PAPPA2: variants seen among roughly 807,000 people sequenced by gnomAD.
PAPPA2 encodes pappalysin 2, also known as pappalysin-2.
PAPPA2 carries 86 observed loss-of-function variants against 176.4 expected under a neutral mutation model. The observed-to-expected ratio is 0.49, with a 90% CI of 0.41 to 0.58. PAPPA2 has a LOEUF of 0.58. Among genes scored for constraint, PAPPA2 ranks in the 20% least tolerant of loss-of-function variants. The pLI is 0.00. For missense variants in PAPPA2, 2,073 were observed against 2,256.9 expected, an observed-to-expected ratio of 0.92 and a Z score of 1.65; for synonymous variants, 809 against 852.2, an observed-to-expected ratio of 0.95 and a Z score of 0.88.
chr1:176,811,997 A>C (rs1666170600), intron 21 of PAPPA2, among the ~76,000 whole-genome samples: 1 of 152,158 alleles, frequency 6.6e-6, no homozygotes, highest in Non-Finnish European at 1.5e-5. Flanking sequence ...CTAGATTAAC[A>C]ACATTCGTGA....
intron 1 of PAPPA2, among the ~76,000 whole-genome samples, chr1:176,484,245 T>G (rs1652545270): frequency 6.6e-6 from 1 of 152,220 alleles, no homozygotes; most frequent in Non-Finnish European, 1.5e-5. Flanking sequence ...TAACATGTTT[T>G]TCCCCCTCTG....
At chr1:176,657,731 A>G (rs966982929) in intron 3 of PAPPA2, among the ~76,000 whole-genome samples, 10 of 152,008 alleles carry the variant, frequency 6.6e-5, no homozygotes, top group Admixed American at 5.3e-4. Flanking sequence ...GTGATAATCA[A>G]ATTAGAGATA....
chr1:176,466,976 AAC>A (rs1651654666), intron 1 of PAPPA2, among the ~76,000 whole-genome samples: 1 of 152,176 alleles, frequency 6.6e-6, no homozygotes, highest in Non-Finnish European at 1.5e-5. Flanking sequence ...CCTTCTGCGA[AAC>A]AGTCATGTAT....
Position 176,791,603 on chromosome 1 carries a change from G to T in PAPPA2, c.5020+121G>T, listed in dbSNP as rs2102939027. On this transcript the variant is annotated intron_variant, in intron 19 of 22. Coordinates refer to ENST00000367662, the MANE Select transcript of PAPPA2 (RefSeq NM_020318.3). ...GAGTCTTGCTCTGTCGCCCAGGCTGGGGTGCAGTGGCACAGTCTCAGCTCA... is the reference window on the plus strand; with the variant it reads ...GAGTCTTGCTCTGTCGCCCAGGCTGTGGTGCAGTGGCACAGTCTCAGCTCA... The T allele has an allele frequency of 1.9e-5, 22 of 1,173,752 alleles. No homozygotes were observed. In the South Asian group the frequency reaches 3.6e-4, roughly 19 times the overall value. 72.7% of individuals were successfully genotyped at this position (1,173,752 alleles called of 1,614,324 possible).
intron 1 of PAPPA2, among the ~76,000 whole-genome samples, chr1:176,477,522 A>C (rs1478229671): frequency 6.6e-6 from 1 of 152,140 alleles, no homozygotes; most frequent in Non-Finnish European, 1.5e-5. Flanking sequence ...CGAGGTGGGC[A>C]GATCATGAGG....
At chr1:176,776,727 T>C (rs1436062340) in intron 17 of PAPPA2, among the ~76,000 whole-genome samples, 1 of 152,060 alleles carries the variant, frequency 6.6e-6, no homozygotes, top group African/African-American at 2.4e-5. Flanking sequence ...ACTGTGGTGA[T>C]GATGATTTGT....
chr1:176,639,260 G>A (rs1656921209), intron 3 of PAPPA2, among the ~76,000 whole-genome samples: 1 of 151,858 alleles, frequency 6.6e-6, no homozygotes, highest in Admixed American at 6.6e-5. Flanking sequence ...AGGATAAATG[G>A]AGACAAAGTA....
intron 12 of PAPPA2, among the ~76,000 whole-genome samples, chr1:176,720,629 A>C (rs1475293039): frequency 6.6e-6 from 1 of 152,120 alleles, no homozygotes; most frequent in Non-Finnish European, 1.5e-5. Flanking sequence ...AAACAATAGG[A>C]TGTATCTACA....
intron 21 of PAPPA2, among the ~76,000 whole-genome samples, chr1:176,811,023 T>C (rs1032919510): frequency 4.4e-4 from 67 of 152,186 alleles, no homozygotes; most frequent in African/African-American, 1.4e-3. Flanking sequence ...ATTATTACAC[T>C]TTAGTAATAT....
intron 21 of PAPPA2, among the ~76,000 whole-genome samples, chr1:176,830,714 A>G (rs1438890888): frequency 6.6e-6 from 1 of 152,224 alleles, no homozygotes; most frequent in Non-Finnish European, 1.5e-5. Context: ...AAAGGAAATT[A>G]CAAGAACTCA....
intron 12 of PAPPA2, among the ~76,000 whole-genome samples, chr1:176,715,743 G>T (rs1217811978): frequency 6.6e-6 from 1 of 152,118 alleles, no homozygotes; most frequent in Admixed American, 6.5e-5. Context: ...AATTGGGGCA[G>T]TAATAAGACT....
At chr1:176,702,763 G>GTT in intron 9 of PAPPA2, 28 bp downstream of exon 9, 1 of 1,573,688 alleles carries the variant, frequency 6.4e-7, no homozygotes, top group Non-Finnish European at 8.6e-7. Flanking sequence ...GTGTGTGTGT[G>GTT]TGTGTGTGTG....
At position 176,692,317 on chromosome 1, in the gene PAPPA2, A is replaced by C. The variant is rs1012905140; in HGVS notation, c.2623A>C (p.Arg875=). 7 of 1,601,356 alleles carry C rather than the reference A, an allele frequency of 4.4e-6. No individual in the cohort carries two copies. The highest frequency in any genetic ancestry group is 1.7e-6 in the Non-Finnish European group (2 of 1,170,290). The change falls in exon 6 of 23, where the codon AGG becomes CGG. Residue 875 remains arginine, a splice_region_variant and synonymous_variant. Transcript: ENST00000367662. ...TCCTATTAGTGGAGTTGTATATGACAGGTGAGAGAGGCACTGGCTGTGGGT... is the reference window on the plus strand; with the variant it reads ...TCCTATTAGTGGAGTTGTATATGACCGGTGAGAGAGGCACTGGCTGTGGGT... The part of the protein sequence containing the change: ...LPPISGVVYD[R]ASGSLCGACT...
At chr1:176,743,948 T>C (rs555925903) in intron 14 of PAPPA2, among the ~76,000 whole-genome samples, 1 of 152,336 alleles carries the variant, frequency 6.6e-6, no homozygotes, top group Non-Finnish European at 1.5e-5. Context: ...CATGGATTGA[T>C]GACCATAATT....
At chr1:176,758,100 G>A (rs188467087) in intron 14 of PAPPA2, among the ~76,000 whole-genome samples, 13 of 152,300 alleles carry the variant, frequency 8.5e-5, no homozygotes, top group Admixed American at 2.6e-4. Flanking sequence ...TCAGTTTGGC[G>A]TGATAATTCA....
At chr1:176,734,687 C>T (rs150119740) in intron 12 of PAPPA2, among the ~76,000 whole-genome samples, 16 of 152,108 alleles carry the variant, frequency 1.1e-4, no homozygotes, top group Admixed American at 2.0e-4. Flanking sequence ...AACTCTTCCT[C>T]GACAAAATTT....
chr1:176,511,832 G>C (rs1229539468), intron 1 of PAPPA2, among the ~76,000 whole-genome samples: 2 of 152,114 alleles, frequency 1.3e-5, no homozygotes, highest in Non-Finnish European at 2.9e-5. Flanking sequence ...TATACCATCA[G>C]CCTTCCAGTT....
rs751035399 is a variant in PAPPA2 at position 176,690,299 on chromosome 1, C to T, written c.2300C>T (p.Thr767Met). Residue 767 changes from threonine (T) to methionine (M), a missense_variant, in exon 5 of 23, where the codon ACG becomes ATG. Thr to Met is a moderately conservative substitution (Grantham distance 81, BLOSUM62 -1). Coordinates refer to ENST00000367662, the MANE Select transcript of PAPPA2 (RefSeq NM_020318.3). ...AAGGAGACAGTGCCATCCATGGAAA[C>T]GGGAGACCTCTGTGCCGACACCGCC... ...PCKETVPSME[T>M]GDLCADTAPT... 56 of 1,613,964 alleles carry T rather than the reference C, an allele frequency of 3.5e-5. No homozygotes were observed. Among genetic ancestry groups the T allele is most frequent in the Middle Eastern group, 1.6e-4 (1 of 6,082 alleles).
intron 14 of PAPPA2, among the ~76,000 whole-genome samples, chr1:176,748,584 T>A (rs750956936): frequency 2.6e-5 from 4 of 152,234 alleles, no homozygotes; most frequent in Non-Finnish European, 5.9e-5. Flanking sequence ...ATTTAATCAG[T>A]AATATTAATG....
Sources: gnomAD v4.1 joint callset for allele counts (sites outside exome capture counted in the v4.1 genomes callset) on GRCh38, gnomAD v4.1.1 for gene constraint, MANE v1.5 for transcripts, NCBI Gene and HGNC (gene_info 2026-07-23, HGNC 2026-07-21) for gene names.